The following PRRC1 variants were observed in gnomAD, a reference collection of about 807,000 sequenced individuals.
The protein encoded by PRRC1 is proline rich coiled-coil 1, also known as protein PRRC1.
PRRC1 carries 39 observed loss-of-function variants against 40.7 expected under a neutral mutation model. The ratio of observed to expected loss-of-function variants is 0.96; its 90% confidence interval spans 0.74 to 1.25. The LOEUF (loss-of-function observed/expected upper bound fraction) is 1.25, where lower values mean the gene tolerates loss of function less well. PRRC1 is among the 50% of genes most tolerant of loss of function. PRRC1 has a pLI of 0.00. For synonymous variants in PRRC1, 175 were observed against 193.3 expected (o/e 0.91, Z 0.79); for missense variants, 573 against 548.3 (o/e 1.05, Z -0.45).
At chr5:127,520,378 T>C (rs1363669110) in intron 1 of PRRC1, among the ~76,000 whole-genome samples, 2 of 152,250 alleles carry the variant, frequency 1.3e-5, no homozygotes, top group African/African-American at 4.8e-5. Flanking sequence ...CTGCATACTT[T>C]GTTCAGATCT....
intron 7 of PRRC1, among the ~76,000 whole-genome samples, chr5:127,546,532 C>T (rs1768229331): frequency 6.6e-6 from 1 of 152,068 alleles, no homozygotes; most frequent in African/African-American, 2.4e-5. Context: ...ATCCTTTCCT[C>T]TATAATAATA....
At chr5:127,528,397 C>G (rs1360862860) in intron 4 of PRRC1, among the ~76,000 whole-genome samples, 1 of 152,106 alleles carries the variant, frequency 6.6e-6, no homozygotes, top group Admixed American at 6.6e-5. Context: ...TTACTGCAAC[C>G]TCTGCCTTCT....
rs192751898 is a variant in PRRC1, at chr5:127,544,690, C to T, written c.1026-3129C>T. ...GGCATAGGACCCTCTGAACCAGGTGCGGGATATAATCTCCTGGTGCGCTGT... is the reference window on the plus strand; with the variant it reads ...GGCATAGGACCCTCTGAACCAGGTGTGGGATATAATCTCCTGGTGCGCTGT... On this transcript the variant is annotated intron_variant, in intron 7 of 8. Transcript: ENST00000296666. Among the ~76,000 whole-genome samples the T allele has an allele frequency of 5.0e-4, 76 of 152,324 alleles. 1 individual carries two copies. Among genetic ancestry groups the T allele is most frequent in the Admixed American group, 4.6e-3 (70 of 15,314 alleles).
chr5:127,553,580 A>G lies in PRRC1; in HGVS notation c.*1664A>G, dbSNP rs1286420746. 2 of 1,285,424 alleles carry G rather than the reference A, an allele frequency of 1.6e-6. No homozygotes were observed. Among genetic ancestry groups the G allele is most frequent in the Non-Finnish European group, 2.0e-6 (2 of 1,011,908 alleles). 79.6% of individuals were successfully genotyped at this position (1,285,424 alleles called of 1,614,324 possible). A position where few individuals can be genotyped will look rare whatever the true frequency, so the allele number is the denominator to read the frequency against. On this transcript the variant is annotated 3_prime_UTR_variant, in exon 9 of 9. Coordinates refer to ENST00000296666, the MANE Select transcript of PRRC1 (RefSeq NM_130809.5). ...TTTCTAGTAGTATTTTATCATGGCA[A>G]TGGCATGATGACAACAACAGTCTTT...
chr5:127,518,133 C>T (rs769695464), intron 1 of PRRC1: 1 of 152,418 alleles, frequency 6.6e-6, no homozygotes, highest in Non-Finnish European at 1.5e-5. Context: ...TTAGGGGAGA[C>T]TGGCGGGAGC....
intron 1 of PRRC1, among the ~76,000 whole-genome samples, chr5:127,518,262 C>T (rs748988216): frequency 6.6e-6 from 1 of 152,178 alleles, no homozygotes; most frequent in Non-Finnish European, 1.5e-5. Flanking sequence ...CCAGGAGGCT[C>T]GAGAGTCATC....
intron 2 of PRRC1, chr5:127,524,249 GA>G: frequency 3.4e-6 from 1 of 298,164 alleles, no homozygotes; most frequent in Non-Finnish European, 6.2e-6. Context: ...AACTAGGGAT[GA>G]AAAATCGCTT....
At chr5:127,528,745 A>G (rs1306521709) in intron 4 of PRRC1, among the ~76,000 whole-genome samples, 2 of 152,126 alleles carry the variant, frequency 1.3e-5, no homozygotes, top group African/African-American at 4.8e-5. Flanking sequence ...TTAGCGTTTA[A>G]TATAGTTGAT....
chr5:127,523,226 C>G (rs1371407003), intron 1 of PRRC1, among the ~76,000 whole-genome samples: 1 of 152,144 alleles, frequency 6.6e-6, no homozygotes, highest in African/African-American at 2.4e-5. Flanking sequence ...AATTATTTCC[C>G]ACTTATAAAG....
chr5:127,524,716 T>C lies in PRRC1; in HGVS notation c.289T>C (p.Ser97Pro), dbSNP rs1767566696. ...VTSMPPPVSPSTAAAFGNPPV... is the reference protein window; with the variant it reads ...VTSMPPPVSPPTAAAFGNPPV... ...TTCTATGCCACCTCCTGTTTCTCCA[T>C]CAACTGCTGCTGCCTTCGGTAATCC... The change falls in exon 3 of 9, where the codon TCA becomes CCA. Residue 97 changes from serine (S) to proline (P), a missense_variant. Coordinates refer to ENST00000296666, the MANE Select transcript of PRRC1 (RefSeq NM_130809.5). 1 of 1,614,014 alleles carries C rather than the reference T, an allele frequency of 6.2e-7. No homozygotes were observed. Among genetic ancestry groups the C allele is most frequent in the Admixed American group, 1.7e-5 (1 of 59,990 alleles).
chr5:127,534,110 A>G (rs944649764), intron 6 of PRRC1, among the ~76,000 whole-genome samples: 10 of 152,196 alleles, frequency 6.6e-5, no homozygotes, highest in Middle Eastern at 3.2e-3. Flanking sequence ...CTTGAATCCC[A>G]TAAGCTTTTA....
In PRRC1 at chr5:127,551,917, G is replaced by C; in HGVS notation, c.*1G>C. 1 of 1,613,998 alleles carries C rather than the reference G, an allele frequency of 6.2e-7. No homozygotes were observed. Among genetic ancestry groups the C allele is most frequent in the Non-Finnish European group, 8.5e-7 (1 of 1,179,948 alleles). ...GCGCCTGCCACCCAGGACAGTGTGA[G>C]AGGAGACCTACCTGGGAGACTGAGA... is the stretch of plus-strand genomic sequence containing the variant. On this transcript the variant is annotated 3_prime_UTR_variant, in exon 9 of 9. Transcript: ENST00000296666.
intron 6 of PRRC1, among the ~76,000 whole-genome samples, chr5:127,538,161 A>C (rs1479535504): frequency 6.6e-6 from 1 of 152,030 alleles, no homozygotes; most frequent in Middle Eastern, 3.2e-3. Flanking sequence ...ACGTTCTCGC[A>C]CAGTTGTCAC....
At chr5:127,545,832 T>C (rs1489107070) in intron 7 of PRRC1, among the ~76,000 whole-genome samples, 3 of 152,146 alleles carry the variant, frequency 2.0e-5, no homozygotes, top group Non-Finnish European at 4.4e-5. Context: ...TCTGTGAAGA[T>C]AATATGTTGT....
chr5:127,537,707 CTG>C (rs1767934586), intron 6 of PRRC1, among the ~76,000 whole-genome samples: 1 of 151,936 alleles, frequency 6.6e-6, no homozygotes, highest in Non-Finnish European at 1.5e-5. Flanking sequence ...GGATGAATCT[CTG>C]TACATCTTAC....
At chr5:127,524,405 A>T in intron 2 of PRRC1, 126 bp from the exon 3 acceptor site, 2 of 844,870 alleles carry the variant, frequency 2.4e-6, no homozygotes, top group Non-Finnish European at 3.7e-6. Flanking sequence ...TACACATTTT[A>T]AAATAATTCT....
At chr5:127,545,341 T>C (rs1368261164) in intron 7 of PRRC1, among the ~76,000 whole-genome samples, 6 of 151,992 alleles carry the variant, frequency 3.9e-5, no homozygotes, top group Non-Finnish European at 7.4e-5. Context: ...TGCACACATA[T>C]GTTTATTGCG....
chr5:127,518,458 A>C (rs1485523055), intron 1 of PRRC1, among the ~76,000 whole-genome samples: 3 of 152,222 alleles, frequency 2.0e-5, no homozygotes, highest in African/African-American at 7.2e-5. Flanking sequence ...TGTTTTTGTC[A>C]TTCGAAGTAG....
chr5:127,520,547 A>G (rs1388526389), intron 1 of PRRC1, among the ~76,000 whole-genome samples: 1 of 152,244 alleles, frequency 6.6e-6, no homozygotes, highest in Non-Finnish European at 1.5e-5. Context: ...TTGAATGAAA[A>G]AAAGCCAACT....
Sources: allele counts gnomAD v4.1 joint callset (sites outside exome capture counted in the v4.1 genomes callset), GRCh38; gene constraint gnomAD v4.1.1; transcripts MANE v1.5; gene names NCBI Gene and HGNC (gene_info 2026-07-23, HGNC 2026-07-21).